TNC: variants seen among roughly 807,000 people sequenced by gnomAD.
TNC encodes tenascin.
A neutral mutation model predicts 202.4 loss-of-function variants in TNC; 109 were observed. The observed-to-expected ratio is 0.54, with a 90% confidence interval of 0.46 to 0.63. The LOEUF is 0.63. Ranked by LOEUF, TNC falls within the 30% of genes least tolerant of loss-of-function variation. The pLI, the probability that TNC is intolerant of heterozygous loss-of-function variation, is 0.00. For synonymous variants in TNC, 1,007 were observed against 1,089.7 expected, an observed-to-expected ratio of 0.92 and a Z score of 1.50; for missense variants, 2,756 against 2,833.3, an observed-to-expected ratio of 0.97 and a Z score of 0.62.
chr9:115,043,814 G>A (rs1201844277), intron 17 of TNC, among the ~76,000 whole-genome samples: 2 of 152,194 alleles, frequency 1.3e-5, no homozygotes, highest in Admixed American at 6.5e-5. Context: ...CCAACCTGGT[G>A]TACTCGCACT....
chr9:115,116,578 A>G (rs940931347), intron 1 of TNC, among the ~76,000 whole-genome samples: 1 of 152,220 alleles, frequency 6.6e-6, no homozygotes, highest in African/African-American at 2.4e-5. Flanking sequence ...CTACAAAAAC[A>G]TGAAAAAGAG....
At chr9:115,084,069 C>T in intron 4 of TNC, 140 bp downstream of exon 4, 2 of 903,196 alleles carry the variant, frequency 2.2e-6, no homozygotes, top group South Asian at 1.7e-5. Flanking sequence ...ATAAGTGATT[C>T]TATGGACTTA....
At chr9:115,076,818 T>C (rs912327368) in intron 7 of TNC, among the ~76,000 whole-genome samples, 3 of 152,254 alleles carry the variant, frequency 2.0e-5, no homozygotes, top group Admixed American at 1.3e-4. Flanking sequence ...GACTTTGTGG[T>C]TAAAGAAACA....
At chr9:115,112,253 C>G (rs1295179899) in intron 1 of TNC, among the ~76,000 whole-genome samples, 1 of 152,150 alleles carries the variant, frequency 6.6e-6, no homozygotes, top group Non-Finnish European at 1.5e-5. Flanking sequence ...GGCGGAAGAT[C>G]TTAGAAAGAT....
Position 115,064,690 on chromosome 9 carries a change from G to A in TNC, c.3444C>T (p.Ile1148=). The change falls in exon 11 of 28, where the codon ATC becomes ATT. Residue 1148 remains isoleucine (I), a synonymous_variant. Transcript: ENST00000350763. ...AGAGCACTGGTGTTCTATAGCCCTGGATCACCCCATAGATGGAGACTGTAT... is the reference window on the plus strand; with the variant it reads ...AGAGCACTGGTGTTCTATAGCCCTGAATCACCCCATAGATGGAGACTGTAT... ...TPYTVSIYGV[I]QGYRTPVLSA... 6.2e-7 allele frequency: 1 copy of A among 1,614,086 alleles called. No homozygotes were observed. Among genetic ancestry groups the A allele is most frequent in the Non-Finnish European group, 8.5e-7 (1 of 1,179,950 alleles).
intron 10 of TNC, among the ~76,000 whole-genome samples, chr9:115,069,774 CCCTTCCTTCCTTCCTTCCTT>C (rs1564467746): frequency 1.2e-4 from 1 of 8,316 alleles, no homozygotes; most frequent in African/African-American, 6.0e-4. Flanking sequence ...CTCCCTCCCT[CCCTTCCTTCCTTCCTTCCTT>C]CCTTCCTCCC....
chr9:115,112,158 A>G (rs1054744430), intron 1 of TNC, among the ~76,000 whole-genome samples: 5 of 152,168 alleles, frequency 3.3e-5, no homozygotes, highest in African/African-American at 1.2e-4. Flanking sequence ...AGAATGTCTT[A>G]ATTCTGAAAC....
At chr9:115,094,164 T>A (rs1484814771) in intron 1 of TNC, among the ~76,000 whole-genome samples, 2 of 152,152 alleles carry the variant, frequency 1.3e-5, no homozygotes, top group African/African-American at 4.8e-5. Context: ...GGTGTCAAGC[T>A]CGTAGTAGGC....
intron 15 of TNC, among the ~76,000 whole-genome samples, chr9:115,054,750 T>C (rs1428597335): frequency 6.6e-6 from 1 of 152,216 alleles, no homozygotes; most frequent in East Asian, 1.9e-4. Flanking sequence ...ACATGCTAGC[T>C]GCTTCCAGGA....
At position 115,020,157 on chromosome 9, in the gene TNC, C is replaced by T. The variant is rs1042824421; in HGVS notation, c.*1000G>A. The T allele has an allele frequency of 2.6e-5, 4 of 152,124 alleles. No homozygotes were observed. The highest frequency in any genetic ancestry group is 9.7e-5 in the African/African-American group (4 of 41,348). 9.4% of individuals were successfully genotyped at this position (152,124 alleles called of 1,614,324 possible). A position where few individuals can be genotyped will look rare whatever the true frequency, so the allele number is the denominator to read the frequency against. ...CTGGGCTCCAGTGATTTTCCTACCT[C>T]AGCCTCCTGAGTAGCTGGGACGACA... is the stretch of plus-strand genomic sequence containing the variant. On this transcript the variant is annotated 3_prime_UTR_variant, in exon 28 of 28. Coordinates refer to ENST00000350763, the MANE Select transcript of TNC (RefSeq NM_002160.4).
At position 115,057,155 on chromosome 9, in the gene TNC, G is replaced by A. The variant is rs1239677680; in HGVS notation, c.4577C>T (p.Thr1526Ile). 8.7e-6 allele frequency: 14 copies of A among 1,610,980 alleles called. No individual in the cohort carries two copies. The highest frequency in any genetic ancestry group is 1.2e-5 in the Non-Finnish European group (14 of 1,178,260). Residue 1526 changes from threonine to isoleucine, a missense_variant and splice_region_variant, in exon 15 of 28, where the codon ACA becomes ATA. By Grantham distance (89) the Thr-to-Ile change is moderately conservative (BLOSUM62 -1). Coordinates refer to ENST00000350763, the MANE Select transcript of TNC (RefSeq NM_002160.4). Reference protein sequence around the residue: ...RTKTISATATTEALPLLENLT... With the variant: ...RTKTISATATIEALPLLENLT... ...GAAATGGGAGAATGCACATGTACCT[G>A]TCGTGGCTGTGGCACTGATGGTTTT...
In TNC at chr9:115,073,704, T is replaced by C. The variant is rs776939328; in HGVS notation, c.3113A>G (p.Tyr1038Cys). ...GVQLPRNTTS[Y>C]VLRGLEPGQE... ...TCCTGGTTCCAGGCCTCTCAGGACA[T>C]AGGAAGTGGTGTTTCTTGGAAGCTG... is the stretch of plus-strand genomic sequence containing the variant. The change falls in exon 10 of 28, where the codon TAT becomes TGT. Residue 1038 changes from tyrosine (Y) to cysteine (C), a missense_variant. By Grantham distance (194) the Tyr-to-Cys change is radical (BLOSUM62 -2). Coordinates refer to ENST00000350763, the MANE Select transcript of TNC (RefSeq NM_002160.4). 2.5e-6 allele frequency: 4 copies of C among 1,614,132 alleles called. No homozygotes were observed. Among genetic ancestry groups the C allele is most frequent in the South Asian group, 1.1e-5 (1 of 91,086 alleles).
At chr9:115,052,432 T>C (rs991194594) in intron 15 of TNC, among the ~76,000 whole-genome samples, 1 of 151,430 alleles carries the variant, frequency 6.6e-6, no homozygotes, top group African/African-American at 2.4e-5. Flanking sequence ...TATTGAATAC[T>C]TCAAAATTCC....
chr9:115,076,639 A>G, intron 7 of TNC, 64 bp from the exon 8 acceptor site: 1 of 1,551,048 alleles, frequency 6.4e-7, no homozygotes, highest in Admixed American at 1.8e-5. Flanking sequence ...AGTCTTTGAC[A>G]GCTCAAGCTG....
At chr9:115,054,628 G>A (rs1831960677) in intron 15 of TNC, among the ~76,000 whole-genome samples, 1 of 152,160 alleles carries the variant, frequency 6.6e-6, no homozygotes, top group Non-Finnish European at 1.5e-5. Context: ...TGAGAAATGA[G>A]ATGCAAGAAA....
chr9:115,020,704 G>T lies in TNC; in HGVS notation c.*453C>A. 1 of 327,122 alleles carries T rather than the reference G, an allele frequency of 3.1e-6. No homozygotes were observed. The highest frequency in any genetic ancestry group is 2.7e-5 in the South Asian group (1 of 36,988). 20.3% of individuals were successfully genotyped at this position (327,122 alleles called of 1,614,324 possible). ...AAAATGGAAACAGTATTGCTTTTCT[G>T]GTTTCTGTTGTATGAAATGTAAAAA... On this transcript the variant is annotated 3_prime_UTR_variant, in exon 28 of 28. Coordinates refer to ENST00000350763, the MANE Select transcript of TNC (RefSeq NM_002160.4).
At chr9:115,024,234 G>A (rs1829304918) in intron 26 of TNC, 98 bp from the exon 27 acceptor site, 1 of 1,335,166 alleles carries the variant, frequency 7.5e-7, no homozygotes, top group South Asian at 1.3e-5. Context: ...GAAAGGTTCT[G>A]GGTGTGGGAC....
Position 115,057,362 on chromosome 9 carries a change from G to C in TNC, c.4370C>G (p.Ser1457Cys). The C allele has an allele frequency of 1.9e-6, 3 of 1,614,066 alleles. No homozygotes were observed. The highest frequency in any genetic ancestry group is 2.5e-6 in the Non-Finnish European group (3 of 1,180,030). ...SDITPESFNL[S>C]WMATDGIFET... ...GAAGATCCCATCGGTAGCCATCCAG[G>C]AGAGATTGAAGCTCTCGGGAGTTAT... The change falls in exon 15 of 28, where the codon TCC becomes TGC. Residue 1457 changes from serine to cysteine, a missense_variant. Ser to Cys is a moderately radical substitution (Grantham distance 112). Transcript: ENST00000350763.
At chr9:115,030,813 G>T (rs1363580790) in intron 23 of TNC, among the ~76,000 whole-genome samples, 2 of 152,162 alleles carry the variant, frequency 1.3e-5, no homozygotes, top group African/African-American at 4.8e-5. Flanking sequence ...CTCTCCAAAG[G>T]CCAGCTCCTC....
Sources: allele counts gnomAD v4.1 joint callset (sites outside exome capture counted in the v4.1 genomes callset), GRCh38; gene constraint gnomAD v4.1.1; transcripts MANE v1.5; gene names NCBI Gene and HGNC (gene_info 2026-07-23, HGNC 2026-07-21).